Variants in ZNF10 observed in about 807,000 individuals in gnomAD.
ZNF10 encodes the protein zinc finger protein 10.
Under a neutral mutation model 12.2 loss-of-function variants are expected in ZNF10, and 8 were observed. That is an observed-to-expected ratio of 0.66 (90% confidence interval 0.39 to 1.18). The LOEUF (loss-of-function observed/expected upper bound fraction) is 1.18. Ranked by LOEUF, ZNF10 falls within the 50% of genes most tolerant of loss-of-function variation. ZNF10 has a pLI of 0.01. For missense variants in ZNF10, 603 were observed against 678.9 expected, an observed-to-expected ratio of 0.89 and a Z score of 1.24; for synonymous variants, 229 against 228.2, an observed-to-expected ratio of 1.00 and a Z score of -0.03.
intron 4 of ZNF10, among the ~76,000 whole-genome samples, chr12:133,154,065 A>G (rs560854027): frequency 2.7e-5 from 4 of 150,392 alleles, no homozygotes; most frequent in South Asian, 2.1e-4. Context: ...ATTTCCAAAT[A>G]TGGTCATATT....
At chr12:133,147,611 T>G (rs1443176585) in intron 2 of ZNF10, among the ~76,000 whole-genome samples, 1 of 147,884 alleles carries the variant, frequency 6.8e-6, no homozygotes, top group Non-Finnish European at 1.5e-5. Flanking sequence ...TTTCTGAGTT[T>G]TTTTTTTTTT....
chr12:133,156,417 C>T lies in ZNF10; in HGVS notation c.1171C>T (p.His391Tyr), dbSNP rs1956041992. ...TGGGAAATCTTTCAGACAGAGCACACATCTCATTCTGCATCAGAGAACCCA... is the reference window on the plus strand; with the variant it reads ...TGGGAAATCTTTCAGACAGAGCACATATCTCATTCTGCATCAGAGAACCCA... ...ECGKSFRQST[H>Y]LILHQRTHVR... Residue 391 changes from histidine (H) to tyrosine (Y), a missense_variant, in exon 5 of 5, where the codon CAT becomes TAT. Physicochemically the swap from His to Tyr is moderately conservative, Grantham distance 83. Around this residue, in one of 3 missense-constraint regions of ZNF10, gnomAD observed 204 missense variants for 262.8 expected, o/e 0.78. Transcript: ENST00000248211. 3 of 1,613,512 alleles carry T rather than the reference C, an allele frequency of 1.9e-6. No individual in the cohort carries two copies. The highest frequency in any genetic ancestry group is 8.5e-7 in the Non-Finnish European group (1 of 1,179,810).
At chr12:133,147,847 C>T (rs1408019396) in intron 2 of ZNF10, among the ~76,000 whole-genome samples, 3 of 148,878 alleles carry the variant, frequency 2.0e-5, no homozygotes, top group South Asian at 4.2e-4. Flanking sequence ...AGGCTGGTCT[C>T]GAACTGCTGA....
chr12:133,149,804 A>C (rs1955997189), intron 2 of ZNF10, among the ~76,000 whole-genome samples: 1 of 151,338 alleles, frequency 6.6e-6, no homozygotes, highest in Non-Finnish European at 1.5e-5. Context: ...CCCCTTCTTA[A>C]TTTACTGCCT....
intron 2 of ZNF10, among the ~76,000 whole-genome samples, chr12:133,149,406 A>G (rs1240532071): frequency 1.5e-5 from 2 of 130,152 alleles, no homozygotes; most frequent in Non-Finnish European, 3.1e-5. Context: ...TGCACAGGCT[A>G]GAGTACAGTG....
intron 2 of ZNF10, among the ~76,000 whole-genome samples, chr12:133,147,409 A>T (rs1215793448): frequency 2.6e-5 from 4 of 152,218 alleles, no homozygotes; most frequent in African/African-American, 9.6e-5. Context: ...CCTCACCAGC[A>T]CTTGGTATCA....
intron 2 of ZNF10, chr12:133,144,802 A>G (rs1955966067): frequency 4.0e-6 from 2 of 495,712 alleles, no homozygotes; most frequent in Non-Finnish European, 7.6e-6. Context: ...TTACATTTAA[A>G]ATGGACTGGA....
At chr12:133,147,133 G>A (rs1011269656) in intron 2 of ZNF10, among the ~76,000 whole-genome samples, 2 of 152,178 alleles carry the variant, frequency 1.3e-5, no homozygotes, top group Non-Finnish European at 2.9e-5. Context: ...GCTGTACCAC[G>A]TTTTGTTTAT....
At chr12:133,134,144 C>CAA (rs35470467) in intron 1 of ZNF10, among the ~76,000 whole-genome samples, 10,961 of 67,916 alleles carry the variant, frequency 0.16, 1,007 homozygotes, top group African/African-American at 0.3. Context: ...ACTAAAAATA[C>CAA]AAAAAAAAAA....
intron 2 of ZNF10, among the ~76,000 whole-genome samples, chr12:133,145,480 A>G (rs886397165): frequency 1.3e-5 from 2 of 152,156 alleles, no homozygotes; most frequent in Non-Finnish European, 2.9e-5. Flanking sequence ...GAACTGACTC[A>G]TGGTGAAGTT....
intron 1 of ZNF10, among the ~76,000 whole-genome samples, chr12:133,142,120 A>G (rs1461483650): frequency 6.6e-6 from 1 of 152,152 alleles, no homozygotes; most frequent in African/African-American, 2.4e-5. Context: ...AGGTAACTCA[A>G]CCTATAGAAT....
chr12:133,152,635 C>T (rs1478290971), intron 4 of ZNF10, among the ~76,000 whole-genome samples: 5 of 152,160 alleles, frequency 3.3e-5, no homozygotes, highest in Non-Finnish European at 7.4e-5. Context: ...AGGCTGGTCT[C>T]GAACTCCTGA....
intron 2 of ZNF10, among the ~76,000 whole-genome samples, chr12:133,149,751 T>C (rs7298102): frequency 0.24 from 37,094 of 151,946 alleles, 4,953 homozygotes; most frequent in Non-Finnish European, 0.3. Flanking sequence ...TACAATTGGA[T>C]TTAAGTGTGT....
In ZNF10 at chr12:133,149,031, C is replaced by T. The variant is rs185531303; in HGVS notation, c.34-1997C>T. Among the ~76,000 whole-genome samples, 593 of 152,216 alleles carry T rather than the reference C, an allele frequency of 3.9e-3. 1 individual carries two copies. The highest frequency in any genetic ancestry group is 7.4e-3 in the Non-Finnish European group (504 of 68,024). Reference sequence around the variant, plus strand: ...CCTCCCAAAGTTCTGGGATTACAGGCATGAGCCACCGTGCCCGGCCCAGTG... The same window carrying T: ...CCTCCCAAAGTTCTGGGATTACAGGTATGAGCCACCGTGCCCGGCCCAGTG... On this transcript the variant is annotated intron_variant, in intron 2 of 4. Transcript: ENST00000248211.
At position 133,158,064 on chromosome 12, in the gene ZNF10, T is replaced by C. The variant is rs551725106; in HGVS notation, c.*1096T>C. The C allele has an allele frequency of 1.3e-5, 2 of 152,338 alleles. No individual in the cohort carries two copies. The highest frequency in any genetic ancestry group is 4.1e-4 in the South Asian group (2 of 4,830). 9.4% of individuals were successfully genotyped at this position (152,338 alleles called of 1,614,324 possible). A position where few individuals can be genotyped will look rare whatever the true frequency, so the allele number is the denominator to read the frequency against. On this transcript the variant is annotated 3_prime_UTR_variant, in exon 5 of 5. Transcript: ENST00000248211. ...TTAAGAGCGTAGACTTGAGCTAGAC[T>C]ACCCAGGTTGAAACCCCACTAGCTG...
Position 133,151,777 on chromosome 12 carries a change from T to A in ZNF10, c.161-32T>A. 2.5e-6 allele frequency: 4 copies of A among 1,588,686 alleles called. No homozygotes were observed. The South Asian group carries it at 4.4e-5, about 18-fold the overall frequency. On this transcript the variant is annotated intron_variant, in intron 3 of 4. Coordinates refer to ENST00000248211, the MANE Select transcript of ZNF10 (RefSeq NM_015394.5). ...GCCTACCTCAGAGCTCCCCTGACTC[T>A]TACCCTGTTCTTTGTCTTTCACTGT...
Position 133,148,755 on chromosome 12 carries a change from T to TG in ZNF10, c.34-2273_34-2272insG, listed in dbSNP as rs1237324660. ...TCTAGGTTGTATTCAATGTTGGTTT[T>TG]TTTTTTTTTTTTTTGAGTTGGAGTT... On this transcript the variant is annotated intron_variant, in intron 2 of 4. Coordinates refer to ENST00000248211, the MANE Select transcript of ZNF10 (RefSeq NM_015394.5). Among the ~76,000 whole-genome samples the TG allele has an allele frequency of 1.7e-4, 26 of 150,106 alleles. 1 individual carries two copies. Among genetic ancestry groups the TG allele is most frequent in the Admixed American group, 1.3e-3 (19 of 15,134 alleles).
intron 4 of ZNF10, among the ~76,000 whole-genome samples, chr12:133,152,995 C>CA (rs1956017618): frequency 6.6e-6 from 1 of 152,056 alleles, no homozygotes. Flanking sequence ...AATGGTATCT[C>CA]AAAGCAAGTC....
chr12:133,146,904 T>C (rs938518993), intron 2 of ZNF10, among the ~76,000 whole-genome samples: 3 of 151,944 alleles, frequency 2.0e-5, no homozygotes, highest in African/African-American at 7.2e-5. Flanking sequence ...ATTCCCTGTG[T>C]GCTGCCCCTG....
Sources: gnomAD v4.1 joint callset for allele counts (sites outside exome capture counted in the v4.1 genomes callset) on GRCh38, gnomAD v4.1.1 for gene constraint, gnomAD v4.1.1 regional missense constraint, MANE v1.5 for transcripts, NCBI Gene and HGNC (gene_info 2026-07-23, HGNC 2026-07-21) for gene names.